Variants in DCAF17 observed in about 807,000 individuals in gnomAD.
The protein encoded by DCAF17 is DDB1 and CUL4 associated factor 17.
In DCAF17, 48 loss-of-function variants were observed where a neutral mutation model predicts 66.0. The ratio of observed to expected loss-of-function variants is 0.73; its 90% confidence interval spans 0.58 to 0.92. The LOEUF (loss-of-function observed/expected upper bound fraction) is 0.92, where lower values mean the gene tolerates loss of function less well. Among genes scored for constraint, DCAF17 ranks in the 40% least tolerant of loss-of-function variants. DCAF17 has a pLI of 0.00. For synonymous variants in DCAF17, 206 were observed against 214.6 expected, an observed-to-expected ratio of 0.96 and a Z score of 0.35; for missense variants, 562 against 622.8, an observed-to-expected ratio of 0.90 and a Z score of 1.04.
intron 3 of DCAF17, among the ~76,000 whole-genome samples, chr2:171,446,461 G>A (rs562446314): frequency 5.4e-4 from 82 of 152,010 alleles, no homozygotes; most frequent in Non-Finnish European, 9.0e-4. Flanking sequence ...CAGGAGAATC[G>A]CTTGAACCTG....
At chr2:171,458,182 T>G (rs1282672998) in intron 7 of DCAF17, 107 bp downstream of exon 7, 8 of 1,181,410 alleles carry the variant, frequency 6.8e-6, no homozygotes, top group Non-Finnish European at 8.7e-6. Flanking sequence ...TTCTGTAGAT[T>G]TTGGCTCTAA....
intron 3 of DCAF17, among the ~76,000 whole-genome samples, chr2:171,446,120 A>G (rs1017909367): frequency 1.3e-5 from 2 of 152,222 alleles, no homozygotes; most frequent in African/African-American, 4.8e-5. Flanking sequence ...CCAGTATTTT[A>G]AGAAACTTGA....
At chr2:171,455,862 T>G (rs1695229478) in intron 6 of DCAF17, among the ~76,000 whole-genome samples, 1 of 151,334 alleles carries the variant, frequency 6.6e-6, no homozygotes, top group African/African-American at 2.4e-5. Context: ...AATGGGGTTG[T>G]TTTTTTTTCT....
intron 4 of DCAF17, among the ~76,000 whole-genome samples, chr2:171,449,176 T>G (rs1372410553): frequency 3.3e-5 from 5 of 152,096 alleles, no homozygotes; most frequent in Non-Finnish European, 7.4e-5. Flanking sequence ...CCCAGCTACT[T>G]TTTGTATTTT....
intron 10 of DCAF17, among the ~76,000 whole-genome samples, chr2:171,475,854 A>C (rs1279842605): frequency 1.3e-5 from 2 of 152,240 alleles, no homozygotes; most frequent in African/African-American, 4.8e-5. Flanking sequence ...ATTTAATATA[A>C]GGAAGATGAA....
intron 13 of DCAF17, among the ~76,000 whole-genome samples, 178 bp downstream of exon 13, chr2:171,480,371 C>T (rs1328446351): frequency 2.0e-5 from 3 of 152,178 alleles, no homozygotes; most frequent in Admixed American, 6.5e-5. Flanking sequence ...CTCCCCTGGG[C>T]ACTAGGGGAT....
intron 3 of DCAF17, among the ~76,000 whole-genome samples, chr2:171,447,891 C>T (rs1177372219): frequency 1.3e-5 from 2 of 152,210 alleles, no homozygotes; most frequent in African/African-American, 4.8e-5. Context: ...GACAGGAGTG[C>T]CCATGCAGCT....
intron 9 of DCAF17, among the ~76,000 whole-genome samples, chr2:171,472,222 C>A (rs1169211996): frequency 6.6e-6 from 1 of 151,948 alleles, no homozygotes; most frequent in African/African-American, 2.4e-5. Flanking sequence ...CTCTGTTGCC[C>A]AGGCTGGAGT....
At chr2:171,447,067 TG>T (rs1182212036) in intron 3 of DCAF17, among the ~76,000 whole-genome samples, 2 of 152,146 alleles carry the variant, frequency 1.3e-5, no homozygotes, top group Admixed American at 1.3e-4. Flanking sequence ...ACTGTTTTCC[TG>T]GGTTTGTTTT....
intron 3 of DCAF17, among the ~76,000 whole-genome samples, chr2:171,446,678 G>A (rs1559261648): frequency 6.6e-6 from 1 of 152,146 alleles, no homozygotes; most frequent in Non-Finnish European, 1.5e-5. Context: ...TAGGTTTCCA[G>A]GGGAAAAGAG....
At position 171,465,022 on chromosome 2, in the gene DCAF17, C is replaced by T. The variant is rs145497108; in HGVS notation, c.839-3866C>T. 2.4e-3 allele frequency among the ~76,000 whole-genome samples: 359 copies of T among 152,022 alleles called. 2 individuals are homozygous for T. Among genetic ancestry groups the T allele is most frequent in the Non-Finnish European group, 4.5e-3 (305 of 67,966 alleles). ...ACTAGCCTGGCCAACATGGTGAAAC[C>T]CTGTCTCTACTAAAAATAGAAAAAA... On this transcript the variant is annotated intron_variant, in intron 8 of 13. Coordinates refer to ENST00000375255, the MANE Select transcript of DCAF17 (RefSeq NM_025000.4).
At position 171,483,263 on chromosome 2, in the gene DCAF17, T is replaced by C. The variant is rs779174983; in HGVS notation, c.*2149T>C. The C allele has an allele frequency of 3.7e-5, 17 of 454,104 alleles. 1 individual carries two copies. The highest frequency in any genetic ancestry group is 2.3e-4 in the South Asian group (15 of 64,478). The allele number at this position is 454,104 out of a possible 1,614,324, so 28.1% of individuals were successfully genotyped here. A position where few individuals can be genotyped will look rare whatever the true frequency, so the allele number is the denominator to read the frequency against. On this transcript the variant is annotated 3_prime_UTR_variant, in exon 14 of 14. Transcript: ENST00000375255. ...ACCTAAACCCCCTCTTTACCTGATATTTTAATTCGAGACTCTAGCTACATG... is the reference window on the plus strand; with the variant it reads ...ACCTAAACCCCCTCTTTACCTGATACTTTAATTCGAGACTCTAGCTACATG...
chr2:171,484,862 C>T lies in DCAF17; in HGVS notation c.*3748C>T. On this transcript the variant is annotated 3_prime_UTR_variant, in exon 14 of 14. Transcript: ENST00000375255. ...TATACAAAATGTAATGCTTCTTTCA[C>T]TTAGCATAATGTTTTTGAGATTTAT... The T allele has an allele frequency of 2.2e-6, 1 of 453,900 alleles. No individual in the cohort carries two copies. The highest frequency in any genetic ancestry group is 4.4e-6 in the Non-Finnish European group (1 of 226,724). 28.1% of individuals were successfully genotyped at this position (453,900 alleles called of 1,614,324 possible).
rs1403015650 is a variant in DCAF17, at chr2:171,481,943, G to C, written c.*829G>C. On this transcript the variant is annotated 3_prime_UTR_variant, in exon 14 of 14. Transcript: ENST00000375255. ...TGCATACTTATGCAATAAGATAAAG[G>C]TACCCTTGCCTGCAGTAGTTCTGTT... is the stretch of plus-strand genomic sequence containing the variant. The C allele has an allele frequency of 2.2e-6, 1 of 453,884 alleles. No individual in the cohort carries two copies. The highest frequency in any genetic ancestry group is 4.4e-6 in the Non-Finnish European group (1 of 226,750). 28.1% of individuals were successfully genotyped at this position (453,884 alleles called of 1,614,324 possible). A position where few individuals can be genotyped will look rare whatever the true frequency, so the allele number is the denominator to read the frequency against.
intron 8 of DCAF17, among the ~76,000 whole-genome samples, chr2:171,461,014 C>A (rs534790743): frequency 1.3e-5 from 2 of 152,158 alleles, no homozygotes; most frequent in Non-Finnish European, 2.9e-5. Flanking sequence ...GTGTTTATTT[C>A]ATACTGTAGA....
In DCAF17 at chr2:171,480,977, T is replaced by C. The variant is rs142735693; in HGVS notation, c.1426T>C (p.Tyr476His). 8.4e-4 allele frequency: 1,357 copies of C among 1,613,690 alleles called. 3 individuals carry two copies. Among genetic ancestry groups the C allele is most frequent in the Non-Finnish European group, 1.1e-3 (1,299 of 1,179,626 alleles). ...IPLVESWDVT[Y>H]SHEVYFDRDL... ...ATATGATTGTGTTTTGTTACAGACA[T>C]ATAGCCATGAAGTCTACTTTGACAG... Residue 476 changes from tyrosine to histidine, a missense_variant, in exon 14 of 14, where the codon TAT becomes CAT. Transcript: ENST00000375255.
At chr2:171,453,843 T>C (rs931757359) in intron 6 of DCAF17, among the ~76,000 whole-genome samples, 1 of 152,200 alleles carries the variant, frequency 6.6e-6, no homozygotes, top group African/African-American at 2.4e-5. Context: ...ACCTGAAGTA[T>C]TGTAGAGGAC....
chr2:171,456,489 G>C (rs970309827), intron 6 of DCAF17, among the ~76,000 whole-genome samples: 2 of 152,154 alleles, frequency 1.3e-5, no homozygotes, highest in African/African-American at 2.4e-5. Flanking sequence ...TTCAGCCTCT[G>C]TTTTGGTTCC....
In DCAF17 at chr2:171,434,628, G is replaced by C; in HGVS notation, c.51G>C (p.Ala17=). The part of the protein sequence containing the change: ...PNVCSRLSRR[A]LGCFSRDAGV... ...TGTGCAGCCGGCTGAGTCGCCGGGC[G>C]CTGGGCTGCTTCTCGCGCGACGCAG... Residue 17 remains alanine, a synonymous_variant, in exon 1 of 14, where the codon GCG becomes GCC. Coordinates refer to ENST00000375255, the MANE Select transcript of DCAF17 (RefSeq NM_025000.4). 6.5e-7 allele frequency: 1 copy of C among 1,531,840 alleles called. No individual in the cohort carries two copies. The highest frequency in any genetic ancestry group is 8.7e-7 in the Non-Finnish European group (1 of 1,147,100). The allele number at this position is 1,531,840 out of a possible 1,614,324, so 94.9% of individuals were successfully genotyped here.
Sources: gnomAD v4.1 joint callset for allele counts (sites outside exome capture counted in the v4.1 genomes callset) on GRCh38, gnomAD v4.1.1 for gene constraint, MANE v1.5 for transcripts, NCBI Gene and HGNC (gene_info 2026-07-23, HGNC 2026-07-21) for gene names.